HTR2C: variants seen among roughly 807,000 people sequenced by gnomAD.
HTR2C encodes the protein 5-hydroxytryptamine (serotonin) receptor 2C, G protein-coupled.
HTR2C carries 5 observed loss-of-function variants against 21.0 expected under a neutral mutation model. The ratio of observed to expected loss-of-function variants is 0.24; its 90% confidence interval spans 0.12 to 0.50. HTR2C has a LOEUF of 0.50. Among genes scored for constraint, HTR2C ranks in the 20% least tolerant of loss-of-function variants. HTR2C has a pLI of 0.98. For synonymous variants in HTR2C, 150 were observed against 145.3 expected, an observed-to-expected ratio of 1.03 and a Z score of -0.23; for missense variants, 271 against 371.2, an observed-to-expected ratio of 0.73 and a Z score of 2.22.
At chrX:114,720,557 G>T (rs1285274316) in intron 2 of HTR2C, among the ~76,000 whole-genome samples, 5 of 97,342 alleles carry the variant, frequency 5.1e-5, no homozygotes, top group African/African-American at 1.1e-4. Context: ...GGGTACATGT[G>T]CACATTGTGC....
intron 2 of HTR2C, among the ~76,000 whole-genome samples, chrX:114,629,281 C>T (rs991943285): frequency 5.4e-5 from 6 of 111,853 alleles, no homozygotes; most frequent in African/African-American, 1.6e-4. Flanking sequence ...CTTTCTTCCC[C>T]GACTCCTAAA....
chrX:114,631,519 T>TA (rs1312589614), intron 2 of HTR2C, among the ~76,000 whole-genome samples: 2 of 111,906 alleles, frequency 1.8e-5, no homozygotes, highest in African/African-American at 6.5e-5. Flanking sequence ...CATGACAAGA[T>TA]AAATCCATTT....
chrX:114,665,257 T>C (rs191313529), intron 2 of HTR2C, among the ~76,000 whole-genome samples: 16 of 112,188 alleles, frequency 1.4e-4, no homozygotes, highest in African/African-American at 4.9e-4. Context: ...ACTGATCTGT[T>C]TCAGGATCTG....
At chrX:114,707,880 T>C (rs1556418598) in intron 2 of HTR2C, among the ~76,000 whole-genome samples, 1 of 109,619 alleles carries the variant, frequency 9.1e-6, no homozygotes, top group East Asian at 2.9e-4. Flanking sequence ...TACTATATAA[T>C]AGTAAATAGG....
chrX:114,594,588 A>T (rs1160345364), intron 1 of HTR2C, among the ~76,000 whole-genome samples: 5 of 111,623 alleles, frequency 4.5e-5, no homozygotes, highest in African/African-American at 1.6e-4. Flanking sequence ...AGTAAAGAAC[A>T]TTGGAGATAC....
chrX:114,892,859 C>CA (rs1219104369), intron 5 of HTR2C, among the ~76,000 whole-genome samples: 1 of 109,434 alleles, frequency 9.1e-6, no homozygotes, highest in African/African-American at 3.3e-5. Flanking sequence ...AAAATAATCA[C>CA]ATCAGGCTAG....
intron 5 of HTR2C, among the ~76,000 whole-genome samples, chrX:114,876,530 A>G (rs1373183061): frequency 9.6e-6 from 1 of 103,971 alleles, no homozygotes; most frequent in African/African-American, 3.5e-5. Flanking sequence ...CTTAGAGGAA[A>G]AATTTCACAT....
At chrX:114,748,560 G>T (rs930010501) in intron 4 of HTR2C, among the ~76,000 whole-genome samples, 22 of 111,352 alleles carry the variant, frequency 2.0e-4, no homozygotes, top group Non-Finnish European at 3.8e-4. Flanking sequence ...AAAGAAAAGT[G>T]CATATATGAA....
At chrX:114,894,258 T>C (rs1556483503) in intron 5 of HTR2C, among the ~76,000 whole-genome samples, 2 of 111,910 alleles carry the variant, frequency 1.8e-5, no homozygotes, top group Admixed American at 1.9e-4. Flanking sequence ...ACTGAAAATA[T>C]ATCAAACGTT....
intron 3 of HTR2C, among the ~76,000 whole-genome samples, chrX:114,730,384 A>G (rs1457198187): frequency 1.8e-5 from 2 of 111,886 alleles, no homozygotes; most frequent in Admixed American, 9.5e-5. Context: ...GTTCCAGTGC[A>G]TGAAAAGTAA....
At chrX:114,806,099 C>T (rs1462599367) in intron 4 of HTR2C, among the ~76,000 whole-genome samples, 2 of 100,074 alleles carry the variant, frequency 2.0e-5, no homozygotes, top group African/African-American at 3.6e-5. Context: ...CACATATATA[C>T]ACCATATATA....
chrX:114,790,795 T>G (rs902644969), intron 4 of HTR2C, among the ~76,000 whole-genome samples: 18 of 109,759 alleles, frequency 1.6e-4, no homozygotes, highest in Non-Finnish European at 2.4e-4. Context: ...CATGAAGATT[T>G]AATCACAAAA....
chrX:114,896,572 T>C lies in HTR2C; in HGVS notation c.551-10017T>C, dbSNP rs1427151694. ...AGGATTTGTATGCCTTTTGAATTTG[T>C]CCTTTTATTATTGTGAATACCCACT... is the stretch of plus-strand genomic sequence containing the variant. On this transcript the variant is annotated intron_variant, in intron 5 of 5. Transcript: ENST00000276198. Among the ~76,000 whole-genome samples, 3 of 112,228 alleles carry C rather than the reference T, an allele frequency of 2.7e-5. No individual in the cohort carries two copies. The East Asian group carries it at 8.4e-4, about 31-fold the overall frequency.
intron 3 of HTR2C, among the ~76,000 whole-genome samples, chrX:114,729,749 G>A (rs1012394445): frequency 1.8e-5 from 2 of 111,304 alleles, no homozygotes; most frequent in African/African-American, 6.5e-5. Context: ...TCCCTGCCTG[G>A]AGATACTATC....
chrX:114,620,005 T>C (rs1435746339), intron 2 of HTR2C, among the ~76,000 whole-genome samples: 2 of 111,819 alleles, frequency 1.8e-5, no homozygotes, highest in African/African-American at 6.5e-5. Context: ...GAAAAAGTCA[T>C]TTATATAATT....
chrX:114,754,447 GGACACATA>G (rs1190069886), intron 4 of HTR2C, among the ~76,000 whole-genome samples: 4 of 111,415 alleles, frequency 3.6e-5, no homozygotes, highest in African/African-American at 1.3e-4. Context: ...GCAGAGGAAG[GGACACATA>G]GATCAATGGA....
chrX:114,732,471 T>C (rs2069546299), intron 4 of HTR2C, among the ~76,000 whole-genome samples: 1 of 110,969 alleles, frequency 9.0e-6, no homozygotes, highest in African/African-American at 3.3e-5. Context: ...GAAATAATAT[T>C]GAAAGTGTAT....
intron 2 of HTR2C, among the ~76,000 whole-genome samples, chrX:114,711,079 T>C (rs781816967): frequency 6.2e-5 from 7 of 112,230 alleles, no homozygotes; most frequent in Non-Finnish European, 1.3e-4. Context: ...TATGATTGGC[T>C]AGATTATCTA....
chrX:114,786,703 G>T (rs2070177975), intron 4 of HTR2C, among the ~76,000 whole-genome samples: 2 of 111,085 alleles, frequency 1.8e-5, no homozygotes, highest in African/African-American at 6.5e-5. Flanking sequence ...GAAGGTTAGG[G>T]AGTTGAATAT....
Sources: gnomAD v4.1 joint callset for allele counts (sites outside exome capture counted in the v4.1 genomes callset) on GRCh38, gnomAD v4.1.1 for gene constraint, MANE v1.5 for transcripts, NCBI Gene and HGNC (gene_info 2026-07-23, HGNC 2026-07-21) for gene names.